The following KDSR variants were observed in gnomAD, a reference collection of about 807,000 sequenced individuals.
The protein encoded by KDSR is 3-ketodihydrosphingosine reductase, also known as 3-dehydrosphinganine reductase.
A neutral mutation model predicts 41.3 loss-of-function variants in KDSR; 23 were observed. The observed-to-expected ratio is 0.56, with a 90% CI of 0.40 to 0.79. The LOEUF is 0.79. KDSR is among the 30% of genes least tolerant of loss of function. The pLI, the probability that KDSR is intolerant of heterozygous loss-of-function variation, is 0.00. For missense variants in KDSR, 351 were observed against 416.8 expected (o/e 0.84, Z 1.37); for synonymous variants, 138 against 151.7 (o/e 0.91, Z 0.66).
At chr18:63,356,232 T>C (rs1266031896) in intron 3 of KDSR, among the ~76,000 whole-genome samples, 4 of 152,090 alleles carry the variant, frequency 2.6e-5, no homozygotes, top group African/African-American at 9.7e-5. Flanking sequence ...ACCCTGTCTC[T>C]ACTAAAAATA....
chr18:63,338,324 C>G (rs1329320652), intron 8 of KDSR, among the ~76,000 whole-genome samples: 3 of 152,210 alleles, frequency 2.0e-5, no homozygotes, highest in African/African-American at 7.2e-5. Context: ...AACAGCACAT[C>G]ATTTCTTAAA....
At chr18:63,362,645 G>C (rs1599340815) in intron 2 of KDSR, 134 bp downstream of exon 2, 2 of 617,402 alleles carry the variant, frequency 3.2e-6, no homozygotes, top group East Asian at 2.8e-5. Context: ...GAGAGAATCA[G>C]TAGTTCAGGA....
intron 1 of KDSR, among the ~76,000 whole-genome samples, chr18:63,363,469 G>A (rs979309354): frequency 7.1e-6 from 1 of 141,098 alleles, no homozygotes; most frequent in Non-Finnish European, 1.5e-5. Context: ...AGAATATGCG[G>A]TGTTTGGTTT....
intron 5 of KDSR, among the ~76,000 whole-genome samples, chr18:63,353,012 C>CAA (rs56105152): frequency 8.6e-6 from 1 of 116,242 alleles, no homozygotes; most frequent in Non-Finnish European, 1.8e-5. Context: ...ACTAAAAATA[C>CAA]AAAAAAAAAA....
chr18:63,343,638 C>T (rs1020855156), intron 7 of KDSR, among the ~76,000 whole-genome samples: 3 of 151,546 alleles, frequency 2.0e-5, no homozygotes, highest in Non-Finnish European at 4.4e-5. Context: ...ATCTTCTTGC[C>T]TAGGCCTCCC....
chr18:63,358,655 T>C (rs911412235), intron 3 of KDSR, among the ~76,000 whole-genome samples: 1 of 150,282 alleles, frequency 6.7e-6, no homozygotes, highest in Non-Finnish European at 1.5e-5. Flanking sequence ...CTACTAAAAA[T>C]ACAAAAAAAA....
chr18:63,347,913 C>T (rs1474745779), intron 6 of KDSR, among the ~76,000 whole-genome samples: 1 of 151,900 alleles, frequency 6.6e-6, no homozygotes, highest in Admixed American at 6.6e-5. Flanking sequence ...TTAACAATGC[C>T]AGGGTCCTAC....
chr18:63,332,649 G>A (rs910532082), intron 9 of KDSR, among the ~76,000 whole-genome samples: 3 of 152,104 alleles, frequency 2.0e-5, no homozygotes, highest in Non-Finnish European at 4.4e-5. Flanking sequence ...GGCTAACACG[G>A]TGAAACCCCA....
chr18:63,352,267 C>A (rs951593426), intron 5 of KDSR, among the ~76,000 whole-genome samples: 3 of 152,152 alleles, frequency 2.0e-5, no homozygotes, highest in East Asian at 1.9e-4. Flanking sequence ...CATGAACATA[C>A]AATCATAATA....
At chr18:63,342,207 C>A (rs1356746007) in intron 7 of KDSR, among the ~76,000 whole-genome samples, 1 of 150,454 alleles carries the variant, frequency 6.6e-6, no homozygotes, top group Non-Finnish European at 1.5e-5. Context: ...AAAATAAAGG[C>A]ATTTTCAGAC....
chr18:63,366,806 G>C (rs1022279042), intron 1 of KDSR: 1 of 388,304 alleles, frequency 2.6e-6, no homozygotes, highest in Non-Finnish European at 4.5e-6. Context: ...GGAGGAGCCC[G>C]AGGCTGCGGA....
chr18:63,338,287 T>C (rs957254390), intron 8 of KDSR, among the ~76,000 whole-genome samples: 3 of 152,242 alleles, frequency 2.0e-5, no homozygotes, highest in African/African-American at 4.8e-5. Flanking sequence ...TCAAAAAGCA[T>C]GAGGCACATA....
In KDSR at chr18:63,328,194, A is replaced by G. The variant is rs1166893813; in HGVS notation, c.*3588T>C. ...TATGTAATTTAGCAAAAATATATAT[A>G]TAATTGCTTTCTTCTAGAAAGATAA... On this transcript the variant is annotated 3_prime_UTR_variant, in exon 10 of 10. Transcript: ENST00000645214. 1 of 183,636 alleles carries G rather than the reference A, an allele frequency of 5.4e-6. No individual in the cohort carries two copies. Among genetic ancestry groups the G allele is most frequent in the East Asian group, 8.9e-5 (1 of 11,290 alleles). 11.4% of individuals were successfully genotyped at this position (183,636 alleles called of 1,614,324 possible).
chr18:63,335,197 G>C (rs1914118804), intron 9 of KDSR, 60 bp downstream of exon 9: 1 of 1,093,964 alleles, frequency 9.1e-7, no homozygotes, highest in African/African-American at 1.6e-5. Flanking sequence ...AAGGTTTGAT[G>C]AAAGGCAGTT....
rs1192052125 is a variant in KDSR at position 63,350,957 on chromosome 18, T to A, written c.540A>T (p.Leu180Phe). The A allele has an allele frequency of 6.2e-7, 1 of 1,614,072 alleles. No homozygotes were observed. The highest frequency in any genetic ancestry group is 8.5e-7 in the Non-Finnish European group (1 of 1,180,036). ...ATGCAGAGTAGGCTGTGAAACCGAA[T>A]AATCCCAACTGTCCTGCCTGGGAGG... The part of the protein sequence containing the change: ...FVSSQAGQLG[L>F]FGFTAYSASK... Residue 180 changes from leucine (L) to phenylalanine (F), a missense_variant, in exon 6 of 10, where the codon TTA becomes TTT. Physicochemically the swap from Leu to Phe is conservative, Grantham distance 22 (BLOSUM62 0). Coordinates refer to ENST00000645214, the MANE Select transcript of KDSR (RefSeq NM_002035.4).
chr18:63,334,629 G>A (rs988076538), intron 9 of KDSR, among the ~76,000 whole-genome samples: 2 of 152,148 alleles, frequency 1.3e-5, no homozygotes, highest in East Asian at 1.9e-4. Flanking sequence ...GATTACAGGC[G>A]TGAGCCACCG....
At chr18:63,349,535 T>C (rs1441164623) in intron 6 of KDSR, among the ~76,000 whole-genome samples, 1 of 152,266 alleles carries the variant, frequency 6.6e-6, no homozygotes, top group Non-Finnish European at 1.5e-5. Context: ...CGATATATTA[T>C]TAAGAGTATT....
chr18:63,334,839 A>G (rs1295895907), intron 9 of KDSR, among the ~76,000 whole-genome samples: 1 of 152,214 alleles, frequency 6.6e-6, no homozygotes, highest in African/African-American at 2.4e-5. Context: ...GTCTCACTAA[A>G]TTTAGCTGTG....
rs546099590 is a variant in KDSR at position 63,331,487 on chromosome 18, C to G, written c.*295G>C. The G allele has an allele frequency of 3.8e-6, 1 of 263,490 alleles. No homozygotes were observed. The highest frequency in any genetic ancestry group is 7.2e-6 in the Non-Finnish European group (1 of 138,906). The allele number at this position is 263,490 out of a possible 1,614,324, so 16.3% of individuals were successfully genotyped here. A position where few individuals can be genotyped will look rare whatever the true frequency, so the allele number is the denominator to read the frequency against. ...AATAGAAACAAATTTAATGATCATT[C>G]TGGAATCCTGTTCTTTACTTTGTTC... On this transcript the variant is annotated 3_prime_UTR_variant, in exon 10 of 10. Coordinates refer to ENST00000645214, the MANE Select transcript of KDSR (RefSeq NM_002035.4).
Sources: allele counts gnomAD v4.1 joint callset (sites outside exome capture counted in the v4.1 genomes callset), GRCh38; gene constraint gnomAD v4.1.1; transcripts MANE v1.5; gene names NCBI Gene and HGNC (gene_info 2026-07-23, HGNC 2026-07-21).